Variants in TRPM3 observed in about 807,000 individuals in gnomAD.
TRPM3 encodes long transient receptor potential channel 3.
TRPM3 carries 77 observed loss-of-function variants against 181.2 expected under a neutral mutation model. That is an observed-to-expected ratio of 0.42 (90% confidence interval 0.35 to 0.51). TRPM3 has a LOEUF of 0.51. Among genes scored for constraint, TRPM3 ranks in the 20% least tolerant of loss-of-function variants. The pLI is 0.01. For synonymous variants in TRPM3, 745 were observed against 796.4 expected (o/e 0.94, Z 1.09); for missense variants, 1,759 against 2,196.7 (o/e 0.80, Z 3.98).
At chr9:71,077,044 T>G (rs752925459) in intron 1 of TRPM3, among the ~76,000 whole-genome samples, 9 of 152,208 alleles carry the variant, frequency 5.9e-5, no homozygotes, top group Non-Finnish European at 1.3e-4. Context: ...TAACAGGTTA[T>G]AGTCTTTCTT....
intron 12 of TRPM3, among the ~76,000 whole-genome samples, chr9:70,632,303 A>G (rs937179093): frequency 5.3e-5 from 8 of 152,254 alleles, no homozygotes; most frequent in Admixed American, 2.0e-4. Context: ...TTGTGCACCA[A>G]TGTTAACTTC....
At chr9:70,843,199 T>G (rs545567730) in intron 4 of TRPM3, 72 bp from the exon 5 acceptor site, 1 of 1,483,800 alleles carries the variant, frequency 6.7e-7, no homozygotes, top group East Asian at 2.3e-5. Flanking sequence ...AAGAAAACTG[T>G]GGTAATGGTT....
chr9:71,375,781 C>T (rs1306174346), intron 1 of TRPM3, among the ~76,000 whole-genome samples: 1 of 152,118 alleles, frequency 6.6e-6, no homozygotes, highest in Non-Finnish European at 1.5e-5. Context: ...GCAAGACCCT[C>T]CACCAGTAAA....
At chr9:71,156,942 C>G (rs1565285456) in intron 1 of TRPM3, among the ~76,000 whole-genome samples, 1 of 152,106 alleles carries the variant, frequency 6.6e-6, no homozygotes, top group Non-Finnish European at 1.5e-5. Flanking sequence ...AGTCATAACC[C>G]TTGTCACAAT....
At chr9:70,791,867 T>C (rs1245268689) in intron 6 of TRPM3, among the ~76,000 whole-genome samples, 1 of 152,226 alleles carries the variant, frequency 6.6e-6, no homozygotes, top group Non-Finnish European at 1.5e-5. Context: ...TTTTGTGCAT[T>C]CTCAGTGCTC....
chr9:70,552,959 C>A lies in TRPM3; in HGVS notation c.3459G>T (p.Arg1153Ser). Residue 1153 changes from arginine (R) to serine (S), a missense_variant, in exon 24 of 26, where the codon AGG (arginine) becomes AGT (serine). Physicochemically the swap from Arg to Ser is moderately radical, Grantham distance 110. Coordinates refer to ENST00000677713, the MANE Select transcript of TRPM3 (RefSeq NM_001366145.2). ...RYQLIMTFHE[R>S]PVLPPPLIIF... ...TGATCAGTGGTGGGGGCAGAACTGG[C>A]CTTTCATGGAAAGTCATGATGAGCT... 6.2e-7 allele frequency: 1 copy of A among 1,614,148 alleles called. No homozygotes were observed. Among genetic ancestry groups the A allele is most frequent in the Non-Finnish European group, 8.5e-7 (1 of 1,180,018 alleles).
chr9:70,567,019 C>T (rs1185741950), intron 22 of TRPM3, among the ~76,000 whole-genome samples: 1 of 152,206 alleles, frequency 6.6e-6, no homozygotes, highest in Non-Finnish European at 1.5e-5. Context: ...TTACTGACGA[C>T]ATCAGGGCAG....
intron 9 of TRPM3, among the ~76,000 whole-genome samples, chr9:70,664,178 T>C (rs1055410407): frequency 1.3e-5 from 2 of 152,192 alleles, no homozygotes; most frequent in Admixed American, 6.5e-5. Context: ...AGCCAGGTTA[T>C]TAGTTTGATT....
intron 6 of TRPM3, among the ~76,000 whole-genome samples, chr9:70,822,544 G>A (rs2093262323): frequency 6.6e-6 from 1 of 152,130 alleles, no homozygotes; most frequent in South Asian, 2.1e-4. Context: ...GGTTGGGGGA[G>A]GGGGTAATGT....
chr9:71,128,874 A>T (rs1187763042), intron 1 of TRPM3, among the ~76,000 whole-genome samples: 1 of 152,244 alleles, frequency 6.6e-6, no homozygotes, highest in Middle Eastern at 3.4e-3. Context: ...AACCTCACAT[A>T]TACCTTCTCA....
At position 70,852,538 on chromosome 9, in the gene TRPM3, A is replaced by G. The variant is rs556282849; in HGVS notation, c.463-5947T>C. On this transcript the variant is annotated intron_variant, in intron 3 of 25. Coordinates refer to ENST00000677713, the MANE Select transcript of TRPM3 (RefSeq NM_001366145.2). Reference sequence around the variant, plus strand: ...TGCTGTCAACCAGTTCCTTTTCTCTATTTCTTCAGTTGCCATTTTAAGAAT... The same window carrying G: ...TGCTGTCAACCAGTTCCTTTTCTCTGTTTCTTCAGTTGCCATTTTAAGAAT... Among the ~76,000 whole-genome samples, 8 of 152,090 alleles carry G rather than the reference A, an allele frequency of 5.3e-5. No individual in the cohort carries two copies. The South Asian group carries it at 1.5e-3, about 28-fold the overall frequency.
intron 1 of TRPM3, among the ~76,000 whole-genome samples, chr9:71,360,251 T>G (rs941408914): frequency 1.3e-5 from 2 of 152,028 alleles, no homozygotes; most frequent in Admixed American, 6.6e-5. Context: ...GAGTCAGGAG[T>G]CCAGTTCTAA....
At chr9:70,938,999 A>C (rs549643851) in intron 1 of TRPM3, among the ~76,000 whole-genome samples, 36 of 151,850 alleles carry the variant, frequency 2.4e-4, no homozygotes, top group African/African-American at 7.5e-4. Context: ...ATAAAAAAAA[A>C]ACATTCATTT....
At chr9:71,251,829 AACCATCTTCTCCTGCCCCCACCCTCCC>A (rs1315598992) in intron 1 of TRPM3, among the ~76,000 whole-genome samples, 4 of 152,092 alleles carry the variant, frequency 2.6e-5, no homozygotes, top group Non-Finnish European at 4.4e-5. Context: ...TGTACCCATT[AACCATCTTCTCCTGCCCCCACCCTCCC>A]ACCATCCTCT....
intron 1 of TRPM3, among the ~76,000 whole-genome samples, chr9:71,193,061 A>G (rs2078130827): frequency 6.6e-6 from 1 of 151,924 alleles, no homozygotes; most frequent in South Asian, 2.1e-4. Context: ...GATGACATGA[A>G]TGGGTATTTA....
At chr9:70,616,104 A>C (rs1459406558) in intron 17 of TRPM3, 29 bp from the exon 18 acceptor site, 2 of 1,481,990 alleles carry the variant, frequency 1.3e-6, no homozygotes, top group African/African-American at 2.9e-5. Flanking sequence ...TAATAATAAT[A>C]ATCACATTTA....
At chr9:70,885,636 G>A (rs1037409094) in intron 1 of TRPM3, among the ~76,000 whole-genome samples, 5 of 151,908 alleles carry the variant, frequency 3.3e-5, no homozygotes, top group East Asian at 1.9e-4. Context: ...TCAGGCCTTC[G>A]GTGTTCTTCC....
chr9:70,554,277 C>A (rs1432716973), intron 22 of TRPM3, among the ~76,000 whole-genome samples: 2 of 152,116 alleles, frequency 1.3e-5, no homozygotes, highest in Non-Finnish European at 1.5e-5. Context: ...GGTGAGGTAG[C>A]CCTCCTCTCC....
intron 1 of TRPM3, among the ~76,000 whole-genome samples, chr9:71,056,338 A>C (rs894911024): frequency 6.6e-5 from 10 of 152,164 alleles, no homozygotes; most frequent in African/African-American, 2.2e-4. Flanking sequence ...TAACTTTAAA[A>C]CTTCAGAGAA....
Sources: gnomAD v4.1 joint callset for allele counts (sites outside exome capture counted in the v4.1 genomes callset) on GRCh38, gnomAD v4.1.1 for gene constraint, MANE v1.5 for transcripts, NCBI Gene and HGNC (gene_info 2026-07-23, HGNC 2026-07-21) for gene names.